The following C2CD2 variants were observed in gnomAD, a reference collection of about 807,000 sequenced individuals.
C2CD2 encodes C2 domain-containing protein 2.
In C2CD2, 43 loss-of-function variants were observed where a neutral mutation model predicts 74.3. The observed-to-expected ratio is 0.58, with a 90% CI of 0.45 to 0.75. The LOEUF (loss-of-function observed/expected upper bound fraction) is 0.75, where lower values mean the gene tolerates loss of function less well. Ranked by LOEUF, C2CD2 falls within the 30% of genes least tolerant of loss-of-function variation. The pLI is 0.00. For synonymous variants in C2CD2, 422 were observed against 390.7 expected (o/e 1.08, Z -0.94); for missense variants, 801 against 916.3 (o/e 0.87, Z 1.63).
At chr21:41,920,150 G>A (rs1374449459) in intron 3 of C2CD2, among the ~76,000 whole-genome samples, 2 of 151,978 alleles carry the variant, frequency 1.3e-5, no homozygotes, top group African/African-American at 4.8e-5. Flanking sequence ...CAAAAGCAAC[G>A]AACAGACTCC....
intron 8 of C2CD2, chr21:41,908,243 T>TGTGTGTGTGTGTGTGTGTGTGTGTGTG: frequency 5.9e-6 from 1 of 168,812 alleles, no homozygotes; most frequent in African/African-American, 2.5e-5. Flanking sequence ...TACCCTCAAG[T>TGTGTGTGTGTGTGTGTGTGTGTGTGTG]TGTGTGTGTG....
At chr21:41,946,825 C>T (rs1037095534) in intron 1 of C2CD2, among the ~76,000 whole-genome samples, 3 of 152,120 alleles carry the variant, frequency 2.0e-5, no homozygotes, top group Admixed American at 2.0e-4. Flanking sequence ...TGTAATCTCG[C>T]TCCAACCATA....
rs1187098652 is a variant in C2CD2, at chr21:41,923,618, T to G, written c.379-1533A>C. On this transcript the variant is annotated intron_variant, in intron 2 of 13. Transcript: ENST00000380486. The surrounding 1 kb of genome is among the most constrained non-coding windows in gnomAD (Gnocchi z 5.8). ...CCGTACCAAAACCAGAATTATAAAA[T>G]GAGCTCGTTGAAGAAACTGTCAGAC... Among the ~76,000 whole-genome samples, 1 of 152,120 alleles carries G rather than the reference T, an allele frequency of 6.6e-6. No homozygotes were observed. The highest frequency in any genetic ancestry group is 2.4e-5 in the African/African-American group (1 of 41,416).
chr21:41,912,384 T>C lies in C2CD2; in HGVS notation c.901A>G (p.Ser301Gly). The C allele has an allele frequency of 6.2e-7, 1 of 1,612,866 alleles. No homozygotes were observed. The stretch of plus-strand genomic sequence containing the variant: ...TCCGGAGTGTTTTTCGTCAGGGTGC[T>C]GGAGAACCTCTGAACAGGATCGTTC... ...QLNDPVQRFS[S>G]TLTKNTPDLM... is the part of the protein sequence containing the mutation. The change falls in exon 7 of 14, where the codon AGC becomes GGC. Residue 301 changes from serine to glycine, a missense_variant. Transcript: ENST00000380486.
At chr21:41,933,483 C>T (rs1039428552) in intron 2 of C2CD2, among the ~76,000 whole-genome samples, 5 of 152,178 alleles carry the variant, frequency 3.3e-5, no homozygotes, top group Non-Finnish European at 5.9e-5. Context: ...TTTTATTTAA[C>T]GCACGAACAT....
chr21:41,909,160 C>T (rs1400607563), intron 8 of C2CD2, among the ~76,000 whole-genome samples: 2 of 152,170 alleles, frequency 1.3e-5, no homozygotes, highest in Non-Finnish European at 2.9e-5. Context: ...AAAAGGAGGT[C>T]TCTTGGAGCT....
In C2CD2 at chr21:41,905,764, G is replaced by A. The variant is rs774191519; in HGVS notation, c.1392C>T (p.Arg464=). The A allele has an allele frequency of 6.2e-7, 1 of 1,611,864 alleles. No homozygotes were observed. Among genetic ancestry groups the A allele is most frequent in the Non-Finnish European group, 8.5e-7 (1 of 1,178,142 alleles). The stretch of plus-strand genomic sequence containing the variant: ...AGAGTGTTTTGCTGACGGGGGCGCT[G>A]CGGCAGGCGATGGCCTGGACAGAGA... ...KDISVQAIAC[R]SAPVSKTLSS... Residue 464 remains arginine, a synonymous_variant, in exon 11 of 14, where the codon CGC becomes CGT. Transcript: ENST00000380486.
chr21:41,899,007 A>T lies in C2CD2; in HGVS notation c.1870+46T>A, dbSNP rs1428380135. On this transcript the variant is annotated intron_variant, in intron 13 of 13. Transcript: ENST00000380486. The surrounding 1 kb of genome is among the most constrained non-coding windows in gnomAD (Gnocchi z 4.4). ...AGCTTGGAAGCCAGCATGAGCGCAA[A>T]GCCACCAAGTGGGGGGCCCGGGATG... is the stretch of plus-strand genomic sequence containing the variant. 1 of 1,463,662 alleles carries T rather than the reference A, an allele frequency of 6.8e-7. No homozygotes were observed. The highest frequency in any genetic ancestry group is 1.1e-5 in the South Asian group (1 of 87,350). The allele number at this position is 1,463,662 out of a possible 1,614,324, so 90.7% of individuals were successfully genotyped here. A position where few individuals can be genotyped will look rare whatever the true frequency, so the allele number is the denominator to read the frequency against.
chr21:41,892,911 C>T lies in C2CD2; in HGVS notation c.1871-3567G>A, dbSNP rs1004751807. Among the ~76,000 whole-genome samples the T allele has an allele frequency of 1.3e-5, 2 of 152,252 alleles. No homozygotes were observed. Among genetic ancestry groups the T allele is most frequent in the Admixed American group, 6.5e-5 (1 of 15,292 alleles). On this transcript the variant is annotated intron_variant, in intron 13 of 13. Coordinates refer to ENST00000380486, the MANE Select transcript of C2CD2 (RefSeq NM_015500.2). This position sits in a 1 kb window ranked among gnomAD's most constrained non-coding sequence, Gnocchi z 4.6. Reference sequence around the variant, plus strand: ...GTGGGTAGAAGCTGACGCAGCCCACCCGCAGGGCCCGGTGCCACGCCAGAG... The same window carrying T: ...GTGGGTAGAAGCTGACGCAGCCCACTCGCAGGGCCCGGTGCCACGCCAGAG...
At position 41,887,934 on chromosome 21, in the gene C2CD2, A is replaced by C. The variant is rs2064703442; in HGVS notation, c.*1190T>G. ...AAGTGAGATCTGTGAATGAACTGAA[A>C]TAGAAAGGCAACTGATGAGGAAAGC... On this transcript the variant is annotated 3_prime_UTR_variant, in exon 14 of 14. Coordinates refer to ENST00000380486, the MANE Select transcript of C2CD2 (RefSeq NM_015500.2). The C allele has an allele frequency of 1.3e-5, 2 of 152,334 alleles. No individual in the cohort carries two copies. The highest frequency in any genetic ancestry group is 4.8e-5 in the African/African-American group (2 of 41,458). The allele number at this position is 152,334 out of a possible 1,614,324, so 9.4% of individuals were successfully genotyped here.
chr21:41,900,965 A>G (rs150311446), intron 12 of C2CD2: 1 of 152,608 alleles, frequency 6.6e-6, no homozygotes, highest in East Asian at 1.9e-4. Context: ...GTCTCATAAC[A>G]AATTAGCTGG....
intron 1 of C2CD2, among the ~76,000 whole-genome samples, chr21:41,944,045 AG>A: frequency 6.6e-6 from 1 of 152,224 alleles, no homozygotes; most frequent in Non-Finnish European, 1.5e-5. Flanking sequence ...GAGAACCATG[AG>A]CAGGCAACAT....
intron 2 of C2CD2, among the ~76,000 whole-genome samples, chr21:41,931,829 T>C (rs868161224): frequency 2.6e-4 from 35 of 135,164 alleles, no homozygotes; most frequent in African/African-American, 3.9e-4. Context: ...AGCATCCCAC[T>C]ACCCCACCTC....
intron 3 of C2CD2, among the ~76,000 whole-genome samples, chr21:41,920,429 G>A (rs1193605782): frequency 1.3e-5 from 2 of 152,248 alleles, no homozygotes; most frequent in Non-Finnish European, 2.9e-5. Flanking sequence ...ATCTGAGTAA[G>A]TGGACTCTCA....
At chr21:41,932,189 T>C (rs1294912751) in intron 2 of C2CD2, among the ~76,000 whole-genome samples, 1 of 149,604 alleles carries the variant, frequency 6.7e-6, no homozygotes, top group Non-Finnish European at 1.5e-5. Context: ...AAGGATGGGT[T>C]TGGGGAGCTT....
intron 3 of C2CD2, 55 bp from the exon 4 acceptor site, chr21:41,919,015 C>T (rs1569071746): frequency 7.9e-7 from 1 of 1,271,730 alleles, no homozygotes; most frequent in Non-Finnish European, 1.1e-6. Context: ...CCTTAATGTG[C>T]ACGTGCGTGT....
intron 1 of C2CD2, among the ~76,000 whole-genome samples, chr21:41,951,563 G>A (rs57457738): frequency 0.098 from 14,895 of 152,044 alleles, 2,267 homozygotes; most frequent in African/African-American, 0.33. Flanking sequence ...AACAGAGAAG[G>A]CGCAAACAAG....
intron 1 of C2CD2, among the ~76,000 whole-genome samples, chr21:41,952,539 T>C (rs2065458528): frequency 6.6e-6 from 1 of 152,240 alleles, no homozygotes; most frequent in African/African-American, 2.4e-5. Context: ...ACTTCTCCTG[T>C]GAAATGCCTA....
rs1307124909 is a variant in C2CD2 at position 41,909,396 on chromosome 21, C to T, written c.1018+63G>A. ...ATCTCCCACCGCCCTTTTCCTGAGG[C>T]CGAGGTCATGCAGCGGAGGACCTTT... is the stretch of plus-strand genomic sequence containing the variant. On this transcript the variant is annotated intron_variant, in intron 8 of 13. Transcript: ENST00000380486. 8.0e-6 allele frequency: 9 copies of T among 1,125,060 alleles called. No individual in the cohort carries two copies. The African/African-American group carries it at 1.4e-4, about 17-fold the overall frequency. The allele number at this position is 1,125,060 out of a possible 1,614,324, so 69.7% of individuals were successfully genotyped here. A position where few individuals can be genotyped will look rare whatever the true frequency, so the allele number is the denominator to read the frequency against.
Sources: gnomAD v4.1 joint callset for allele counts (sites outside exome capture counted in the v4.1 genomes callset) on GRCh38, gnomAD v4.1.1 for gene constraint, Gnocchi (gnomAD v3.1) non-coding constraint, MANE v1.5 for transcripts, NCBI Gene and HGNC (gene_info 2026-07-23, HGNC 2026-07-21) for gene names.